ADCY2: variants seen among roughly 807,000 people sequenced by gnomAD.
The protein encoded by ADCY2 is adenylate cyclase type 2.
Under a neutral mutation model 125.2 loss-of-function variants are expected in ADCY2, and 31 were observed. The observed-to-expected ratio is 0.25, with a 90% confidence interval of 0.19 to 0.33. The LOEUF (loss-of-function observed/expected upper bound fraction) is 0.33, where lower values mean the gene tolerates loss of function less well. Among genes scored for constraint, ADCY2 ranks in the 10% least tolerant of loss-of-function variants. ADCY2 has a pLI of 1.00. For synonymous variants in ADCY2, 512 were observed against 548.4 expected (o/e 0.93, Z 0.93); for missense variants, 904 against 1,418.2 (o/e 0.64, Z 5.82).
At chr5:7,592,846 C>A (rs546832080) in intron 3 of ADCY2, among the ~76,000 whole-genome samples, 1 of 151,694 alleles carries the variant, frequency 6.6e-6, no homozygotes, top group Non-Finnish European at 1.5e-5. Flanking sequence ...CATGAAGCAC[C>A]CCCCAGCCCA....
At chr5:7,661,179 ACC>A (rs1431503599) in intron 4 of ADCY2, among the ~76,000 whole-genome samples, 1 of 152,150 alleles carries the variant, frequency 6.6e-6, no homozygotes, top group Non-Finnish European at 1.5e-5. Flanking sequence ...AATATTTTTG[ACC>A]AGTCATTATA....
chr5:7,473,876 A>G (rs1289235092), intron 2 of ADCY2, among the ~76,000 whole-genome samples: 3 of 152,204 alleles, frequency 2.0e-5, no homozygotes, highest in African/African-American at 4.8e-5. Context: ...CTCAATTCCC[A>G]GGGTTCTCTC....
intron 3 of ADCY2, among the ~76,000 whole-genome samples, chr5:7,528,416 T>A (rs1734542096): frequency 8.2e-6 from 1 of 122,318 alleles, no homozygotes; most frequent in Non-Finnish European, 2.0e-5. Flanking sequence ...ACAATTTGAC[T>A]GTAATGGTAG....
chr5:7,639,589 C>T (rs1738623758), intron 4 of ADCY2, among the ~76,000 whole-genome samples: 1 of 152,184 alleles, frequency 6.6e-6, no homozygotes, highest in African/African-American at 2.4e-5. Context: ...TTTAGCATCT[C>T]CATTCGTAAA....
rs79718418 is a variant in ADCY2, at chr5:7,715,116, C to G, written c.1623-2041C>G. On this transcript the variant is annotated intron_variant, in intron 11 of 24. Transcript: ENST00000338316. Reference sequence around the variant, plus strand: ...GGGGAGATCATCAGCCCCAGGGGACCTTATCCTCTCCATGGCAGAGGTCAC... The same window carrying G: ...GGGGAGATCATCAGCCCCAGGGGACGTTATCCTCTCCATGGCAGAGGTCAC... Among the ~76,000 whole-genome samples, 1,057 of 152,304 alleles carry G rather than the reference C, an allele frequency of 6.9e-3. 5 individuals carry two copies. Among genetic ancestry groups the G allele is most frequent in the Non-Finnish European group, 0.011 (743 of 68,030 alleles).
At chr5:7,547,863 T>G (rs188145182) in intron 3 of ADCY2, among the ~76,000 whole-genome samples, 2 of 152,224 alleles carry the variant, frequency 1.3e-5, no homozygotes, top group African/African-American at 2.4e-5. Context: ...CTGGAGGGAC[T>G]TTCCCACAGC....
At chr5:7,525,215 C>T (rs1213593342) in intron 3 of ADCY2, among the ~76,000 whole-genome samples, 1 of 152,140 alleles carries the variant, frequency 6.6e-6, no homozygotes, top group Non-Finnish European at 1.5e-5. Flanking sequence ...CCATGTTGCC[C>T]AGGCTGGTCT....
intron 3 of ADCY2, among the ~76,000 whole-genome samples, chr5:7,616,971 G>C (rs923888367): frequency 6.6e-6 from 1 of 152,078 alleles, no homozygotes; most frequent in Non-Finnish European, 1.5e-5. Context: ...CTGAATTTTT[G>C]TCCCCTCTGA....
At chr5:7,713,939 G>A (rs1202632337) in intron 11 of ADCY2, among the ~76,000 whole-genome samples, 1 of 152,150 alleles carries the variant, frequency 6.6e-6, no homozygotes, top group Non-Finnish European at 1.5e-5. Context: ...ATGAAACATA[G>A]GTTGTAACCT....
intron 2 of ADCY2, among the ~76,000 whole-genome samples, chr5:7,495,722 G>A (rs1016200536): frequency 1.3e-5 from 2 of 151,858 alleles, no homozygotes; most frequent in Non-Finnish European, 2.9e-5. Flanking sequence ...TTTCCCTCTG[G>A]AACGTTATGC....
In ADCY2 at chr5:7,814,961, T is replaced by C. The variant is rs192796306; in HGVS notation, c.2884-1905T>C. On this transcript the variant is annotated intron_variant, in intron 22 of 24. Coordinates refer to ENST00000338316, the MANE Select transcript of ADCY2 (RefSeq NM_020546.3). Reference sequence around the variant, plus strand: ...TGCTGGTTCCCCTCCCCCCGACCCATGTCCTAGCCCAGGGCATATTGCCAG... The same window carrying C: ...TGCTGGTTCCCCTCCCCCCGACCCACGTCCTAGCCCAGGGCATATTGCCAG... Among the ~76,000 whole-genome samples the C allele has an allele frequency of 6.2e-3, 940 of 152,210 alleles. 5 individuals carry two copies. The highest frequency in any genetic ancestry group is 9.8e-3 in the Non-Finnish European group (665 of 67,996).
chr5:7,805,661 G>A (rs6870738), intron 22 of ADCY2, among the ~76,000 whole-genome samples: 7,404 of 152,160 alleles, frequency 0.049, 459 homozygotes, highest in African/African-American at 0.14. Context: ...GAAGGGTTGA[G>A]TACCATGTAT....
At chr5:7,503,076 C>T (rs922180552) in intron 2 of ADCY2, among the ~76,000 whole-genome samples, 1 of 152,152 alleles carries the variant, frequency 6.6e-6, no homozygotes, top group African/African-American at 2.4e-5. Flanking sequence ...TTCCTTTGCT[C>T]CCCTTGTATC....
intron 21 of ADCY2, among the ~76,000 whole-genome samples, chr5:7,803,191 T>C (rs1232933977): frequency 6.6e-6 from 1 of 152,214 alleles, no homozygotes; most frequent in Non-Finnish European, 1.5e-5. Context: ...ACCACTGTGA[T>C]CCTGGGTGCA....
intron 2 of ADCY2, among the ~76,000 whole-genome samples, chr5:7,507,461 A>AAAAT (rs374187517): frequency 2.6e-5 from 3 of 114,114 alleles, no homozygotes; most frequent in African/African-American, 6.6e-5. Flanking sequence ...AAAAAAAAAA[A>AAAAT]GGTAACAAAG....
chr5:7,553,783 C>T (rs975865315), intron 3 of ADCY2, among the ~76,000 whole-genome samples: 2 of 152,176 alleles, frequency 1.3e-5, no homozygotes, highest in South Asian at 4.1e-4. Flanking sequence ...GTTTCTCTCT[C>T]CCCAGCCAGT....
intron 12 of ADCY2, among the ~76,000 whole-genome samples, chr5:7,720,587 C>T (rs573377407): frequency 1.6e-4 from 24 of 151,990 alleles, no homozygotes; most frequent in East Asian, 3.9e-4. Flanking sequence ...TGATGTTCCC[C>T]GCCCTGTGTC....
At chr5:7,503,089 G>A (rs1743657088) in intron 2 of ADCY2, among the ~76,000 whole-genome samples, 1 of 152,158 alleles carries the variant, frequency 6.6e-6, no homozygotes, top group South Asian at 2.1e-4. Context: ...CTTGTATCCA[G>A]TGTGGAATGC....
chr5:7,505,470 C>T (rs748410150), intron 2 of ADCY2, among the ~76,000 whole-genome samples: 2 of 152,178 alleles, frequency 1.3e-5, no homozygotes, highest in East Asian at 1.9e-4. Context: ...CCAGTTTGCA[C>T]GAACATACAG....
Sources: allele counts gnomAD v4.1 joint callset (sites outside exome capture counted in the v4.1 genomes callset), GRCh38; gene constraint gnomAD v4.1.1; transcripts MANE v1.5; gene names NCBI Gene and HGNC (gene_info 2026-07-23, HGNC 2026-07-21).